COL22A1: variants seen among roughly 807,000 people sequenced by gnomAD.
COL22A1 encodes collagen alpha-1(XXII) chain.
A neutral mutation model predicts 248.9 loss-of-function variants in COL22A1; 221 were observed. The observed-to-expected ratio is 0.89, with a 90% CI of 0.80 to 0.99. The LOEUF is 0.99. Among genes scored for constraint, COL22A1 ranks in the 50% least tolerant of loss-of-function variants. The probability of loss-of-function intolerance (pLI) is 0.00; values close to 1 mark genes in which losing one functional copy is unlikely to be tolerated. For synonymous variants in COL22A1, 891 were observed against 793.4 expected (o/e 1.12, Z -2.07); for missense variants, 2,240 against 2,179.0 (o/e 1.03, Z -0.56).
rs1480452769 is a variant in COL22A1, at chr8:138,877,838, T to C, written c.570A>G (p.Ser190=). The change falls in exon 3 of 65, where the codon TCA becomes TCG. Residue 190 remains serine, a synonymous_variant. Coordinates refer to ENST00000303045, the MANE Select transcript of COL22A1 (RefSeq NM_152888.3). ...GGAAGACGTGGGCGGACTTGGGCTC[T>C]GAGGCGATCTCCTCCAGCTCCTCCT... ...ALKEELEEIA[S]EPKSAHVFHV... 2.1e-5 allele frequency: 34 copies of C among 1,613,334 alleles called. No homozygotes were observed. Among genetic ancestry groups the C allele is most frequent in the Non-Finnish European group, 2.7e-5 (32 of 1,179,816 alleles).
chr8:138,835,036 C>G (rs1372936699), intron 4 of COL22A1, among the ~76,000 whole-genome samples: 1 of 152,118 alleles, frequency 6.6e-6, no homozygotes, highest in East Asian at 1.9e-4. Context: ...GCTGGGGCGA[C>G]AGGGAAGGCG....
At chr8:138,672,512 G>C in intron 41 of COL22A1, among the ~76,000 whole-genome samples, 1 of 152,214 alleles carries the variant, frequency 6.6e-6, no homozygotes, top group East Asian at 1.9e-4. Context: ...TCTTAGGCTA[G>C]AAGGCCCACT....
At chr8:138,837,712 G>T (rs965645375) in intron 4 of COL22A1, among the ~76,000 whole-genome samples, 2 of 152,186 alleles carry the variant, frequency 1.3e-5, no homozygotes, top group African/African-American at 4.8e-5. Flanking sequence ...GCCTCTGAAT[G>T]GGGGAGCTTG....
chr8:138,805,383 G>A (rs1369510378), intron 10 of COL22A1, among the ~76,000 whole-genome samples: 1 of 148,414 alleles, frequency 6.7e-6, no homozygotes, highest in African/African-American at 2.5e-5. Context: ...GTGATGGTGT[G>A]GGCATGTGAT....
At chr8:138,870,501 T>C (rs1823248858) in intron 3 of COL22A1, among the ~76,000 whole-genome samples, 1 of 149,992 alleles carries the variant, frequency 6.7e-6, no homozygotes, top group African/African-American at 2.5e-5. Context: ...ACGTGGGGAG[T>C]GTGCTGTGTG....
At chr8:138,665,993 T>C (rs1285665026) in intron 41 of COL22A1, among the ~76,000 whole-genome samples, 2 of 151,534 alleles carry the variant, frequency 1.3e-5, no homozygotes, top group Admixed American at 6.6e-5. Context: ...TCATGGCAAA[T>C]GTTATTTCCT....
chr8:138,742,878 T>A (rs1016902708), intron 22 of COL22A1, among the ~76,000 whole-genome samples: 23 of 151,010 alleles, frequency 1.5e-4, no homozygotes, highest in African/African-American at 1.2e-4. Flanking sequence ...GTAGTAGTGA[T>A]TGTGATGGTA....
chr8:138,892,277 A>G (rs1825121378), intron 1 of COL22A1, among the ~76,000 whole-genome samples: 1 of 152,232 alleles, frequency 6.6e-6, no homozygotes, highest in African/African-American at 2.4e-5. Flanking sequence ...AAGCCCTGGT[A>G]TGGAATCCTA....
At chr8:138,845,516 AAAATAAATAAAT>A (rs10633143) in intron 3 of COL22A1, among the ~76,000 whole-genome samples, 1 of 147,502 alleles carries the variant, frequency 6.8e-6, no homozygotes. Context: ...CTCCACCTCA[AAAATAAATAAAT>A]AAATAAATAA....
Position 138,660,475 on chromosome 8 carries a change from T to G in COL22A1, c.3246A>C (p.Ala1082=), listed in dbSNP as rs375804997. Reference sequence around the variant, plus strand: ...GCCCTCTTTCTCCTGGATTTCCTGGTGCACCCTAAGAGAAGAAGGAAATAA... The same window carrying G: ...GCCCTCTTTCTCCTGGATTTCCTGGGGCACCCTAAGAGAAGAAGGAAATAA... ...GPQGPAGRDG[A]PGNPGERGPP... Residue 1082 remains alanine (A), a synonymous_variant, in exon 44 of 65, where the codon GCA becomes GCC. Coordinates refer to ENST00000303045, the MANE Select transcript of COL22A1 (RefSeq NM_152888.3). 144 of 1,613,468 alleles carry G rather than the reference T, an allele frequency of 8.9e-5. 1 individual carries two copies. Among genetic ancestry groups the G allele is most frequent in the Non-Finnish European group, 1.1e-4 (134 of 1,179,512 alleles).
intron 52 of COL22A1, among the ~76,000 whole-genome samples, chr8:138,622,789 G>C (rs1819911504): frequency 6.6e-6 from 1 of 152,014 alleles, no homozygotes; most frequent in South Asian, 2.1e-4. Flanking sequence ...TCAGTATCTA[G>C]AGAACATCCT....
chr8:138,799,965 T>G (rs749382648), intron 11 of COL22A1, among the ~76,000 whole-genome samples: 1 of 152,230 alleles, frequency 6.6e-6, no homozygotes, highest in Non-Finnish European at 1.5e-5. Flanking sequence ...CATCATCTCC[T>G]TTGTTTCTAG....
Position 138,716,812 on chromosome 8 carries a change from C to T in COL22A1, c.2400+13G>A, listed in dbSNP as rs372482238. 23 of 1,597,920 alleles carry T rather than the reference C, an allele frequency of 1.4e-5. 1 individual carries two copies. Among genetic ancestry groups the T allele is most frequent in the East Asian group, 2.2e-5 (1 of 44,810 alleles). On this transcript the variant is annotated intron_variant, in intron 28 of 64. Coordinates refer to ENST00000303045, the MANE Select transcript of COL22A1 (RefSeq NM_152888.3). ...TGAATAAAATGAATGAATAAAAGCACAAACAAACAGACCTTCTCTCCAGGT... is the reference window on the plus strand; with the variant it reads ...TGAATAAAATGAATGAATAAAAGCATAAACAAACAGACCTTCTCTCCAGGT...
intron 1 of COL22A1, among the ~76,000 whole-genome samples, chr8:138,889,120 G>A (rs549067551): frequency 3.3e-5 from 5 of 152,294 alleles, no homozygotes; most frequent in African/African-American, 1.2e-4. Context: ...GGGTAAAGGA[G>A]GACACTGAGG....
chr8:138,835,388 T>C (rs1274994618), intron 4 of COL22A1, among the ~76,000 whole-genome samples: 1 of 152,148 alleles, frequency 6.6e-6, no homozygotes. Context: ...CACACTAGTG[T>C]GAGTGATTCA....
intron 16 of COL22A1, among the ~76,000 whole-genome samples, chr8:138,771,458 T>C (rs1406145797): frequency 6.6e-6 from 1 of 151,942 alleles, no homozygotes; most frequent in African/African-American, 2.4e-5. Flanking sequence ...CAATCAGGAG[T>C]TCTCCCCCGG....
At chr8:138,732,053 A>G (rs1051599467) in intron 23 of COL22A1, among the ~76,000 whole-genome samples, 1 of 152,212 alleles carries the variant, frequency 6.6e-6, no homozygotes, top group Non-Finnish European at 1.5e-5. Context: ...ATAGGAGAGC[A>G]ATATTGAACT....
At chr8:138,762,171 T>C (rs1161388527) in intron 17 of COL22A1, among the ~76,000 whole-genome samples, 1 of 152,212 alleles carries the variant, frequency 6.6e-6, no homozygotes, top group Non-Finnish European at 1.5e-5. Context: ...CTTTACATTA[T>C]GATAACGCAC....
At chr8:138,830,393 G>A (rs1287670105) in intron 5 of COL22A1, among the ~76,000 whole-genome samples, 1 of 152,216 alleles carries the variant, frequency 6.6e-6, no homozygotes, top group Non-Finnish European at 1.5e-5. Context: ...TTTTCTTTAT[G>A]AACAAAATTA....
Sources: gnomAD v4.1 joint callset for allele counts (sites outside exome capture counted in the v4.1 genomes callset) on GRCh38, gnomAD v4.1.1 for gene constraint, MANE v1.5 for transcripts, NCBI Gene and HGNC (gene_info 2026-07-23, HGNC 2026-07-21) for gene names.